ITPR1: variants seen among roughly 807,000 people sequenced by gnomAD.
The protein encoded by ITPR1 is inositol 1,4,5-trisphosphate-gated calcium channel ITPR1.
Under a neutral mutation model 318.4 loss-of-function variants are expected in ITPR1, and 96 were observed. That is an observed-to-expected ratio of 0.30 (90% CI 0.26 to 0.36). The LOEUF is 0.36. Ranked by LOEUF, ITPR1 falls within the 10% of genes least tolerant of loss-of-function variation. ITPR1 has a pLI of 1.00. For synonymous variants in ITPR1, 1,312 were observed against 1,289.9 expected (o/e 1.02, Z -0.37); for missense variants, 2,440 against 3,460.2 (o/e 0.71, Z 7.40).
At chr3:4,623,564 A>G (rs1414862320) in intron 4 of ITPR1, among the ~76,000 whole-genome samples, 6 of 152,096 alleles carry the variant, frequency 3.9e-5, no homozygotes, top group African/African-American at 9.7e-5. Context: ...AATATTAAAT[A>G]TATTCTTCTG....
In ITPR1 at chr3:4,670,717, CT is replaced by C; in HGVS notation, c.2007-10del. ...AAAATAGTAACTTTTCCCTCCTCCT[CT>C]TGTTTTCTAGGTTGGTTCTTTCTCG... On this transcript the variant is annotated splice_polypyrimidine_tract_variant and intron_variant, in intron 19 of 61. Coordinates refer to ENST00000649015, the MANE Select transcript of ITPR1 (RefSeq NM_001378452.1). The C allele has an allele frequency of 6.4e-7, 1 of 1,553,352 alleles. No homozygotes were observed. The highest frequency in any genetic ancestry group is 8.8e-7 in the Non-Finnish European group (1 of 1,140,756).
intron 44 of ITPR1, among the ~76,000 whole-genome samples, chr3:4,742,474 C>G (rs1043567398): frequency 2.6e-5 from 4 of 152,128 alleles, no homozygotes; most frequent in African/African-American, 9.7e-5. Flanking sequence ...CCTCACTCAT[C>G]CCACTGGTTC....
intron 4 of ITPR1, among the ~76,000 whole-genome samples, chr3:4,539,059 C>T (rs1044676194): frequency 6.6e-6 from 1 of 152,250 alleles, no homozygotes; most frequent in African/African-American, 2.4e-5. Flanking sequence ...TATATGTATG[C>T]ATATGAAATA....
intron 4 of ITPR1, among the ~76,000 whole-genome samples, chr3:4,612,109 AGGC>A (rs2092159064): frequency 1.8e-5 from 2 of 113,658 alleles, no homozygotes; most frequent in South Asian, 6.4e-4. Context: ...TCTGTCACCC[AGGC>A]TGGAGTGCAG....
chr3:4,664,305 G>T (rs114204593), intron 16 of ITPR1, among the ~76,000 whole-genome samples: 29 of 152,126 alleles, frequency 1.9e-4, no homozygotes, highest in African/African-American at 6.0e-4. Flanking sequence ...CAAATTAGAG[G>T]CAGTAAAGTG....
intron 4 of ITPR1, among the ~76,000 whole-genome samples, chr3:4,611,235 AAAAAAAAC>A (rs1336535426): frequency 1.4e-5 from 2 of 145,784 alleles, no homozygotes; most frequent in Admixed American, 1.4e-4. Flanking sequence ...TCTCTACAAA[AAAAAAAAC>A]AAAAAAAAAA....
At chr3:4,703,705 A>G (rs2094701599) in intron 36 of ITPR1, among the ~76,000 whole-genome samples, 1 of 152,194 alleles carries the variant, frequency 6.6e-6, no homozygotes, top group South Asian at 2.1e-4. Flanking sequence ...TGTAGGTAAG[A>G]TATCAAGTCA....
At chr3:4,615,001 T>C (rs1382483401) in intron 4 of ITPR1, among the ~76,000 whole-genome samples, 1 of 152,192 alleles carries the variant, frequency 6.6e-6, no homozygotes, top group Non-Finnish European at 1.5e-5. Flanking sequence ...AAGGAAACTG[T>C]TCAAGAATAT....
intron 48 of ITPR1, among the ~76,000 whole-genome samples, chr3:4,778,628 T>C (rs553319874): frequency 4.6e-5 from 7 of 152,338 alleles, no homozygotes; most frequent in African/African-American, 1.7e-4. Context: ...TTTAACAGAT[T>C]CAACCTTGTG....
intron 10 of ITPR1, among the ~76,000 whole-genome samples, chr3:4,648,635 C>A (rs1395118988): frequency 6.6e-6 from 1 of 152,116 alleles, no homozygotes; most frequent in African/African-American, 2.4e-5. Flanking sequence ...CATGGTGAAA[C>A]CCTGTCTCTA....
At chr3:4,665,011 G>A in intron 16 of ITPR1, 127 bp from the exon 17 acceptor site, 1 of 910,210 alleles carries the variant, frequency 1.1e-6, no homozygotes, top group South Asian at 1.5e-5. Context: ...TCAGGTTATG[G>A]ATGTGTTGGG....
At chr3:4,595,851 G>A (rs1027635639) in intron 4 of ITPR1, among the ~76,000 whole-genome samples, 21 of 152,198 alleles carry the variant, frequency 1.4e-4, no homozygotes, top group African/African-American at 3.9e-4. Flanking sequence ...TGGCAGTGGC[G>A]GAATGTTCTT....
intron 47 of ITPR1, among the ~76,000 whole-genome samples, chr3:4,776,997 CTG>C (rs1420712275): frequency 6.6e-6 from 1 of 152,232 alleles, no homozygotes; most frequent in Non-Finnish European, 1.5e-5. Flanking sequence ...CAAAAGCCAA[CTG>C]TGCTGCATGA....
At chr3:4,627,904 T>C in intron 5 of ITPR1, 26 bp downstream of exon 5, 1 of 1,475,624 alleles carries the variant, frequency 6.8e-7, no homozygotes, top group Non-Finnish European at 9.4e-7. Flanking sequence ...GGGCTGTCGA[T>C]GGGGCAGTAG....
At chr3:4,643,034 A>C (rs2093373565) in intron 7 of ITPR1, among the ~76,000 whole-genome samples, 2 of 152,256 alleles carry the variant, frequency 1.3e-5, no homozygotes, top group Non-Finnish European at 1.5e-5. Context: ...GTGCCATTTA[A>C]ATTTACAAGC....
intron 44 of ITPR1, among the ~76,000 whole-genome samples, chr3:4,761,965 T>C (rs945712485): frequency 2.6e-4 from 40 of 152,294 alleles, no homozygotes; most frequent in South Asian, 4.1e-4. Context: ...GGCAGGTGAA[T>C]GCCTCCAGCA....
intron 4 of ITPR1, among the ~76,000 whole-genome samples, chr3:4,626,039 T>C (rs1003460207): frequency 2.0e-5 from 3 of 152,168 alleles, no homozygotes; most frequent in Non-Finnish European, 4.4e-5. Context: ...CTTGAGAAGC[T>C]GAGGCAGGAG....
intron 2 of ITPR1, among the ~76,000 whole-genome samples, chr3:4,509,761 C>A (rs1237099519): frequency 6.6e-6 from 1 of 152,194 alleles, no homozygotes; most frequent in Non-Finnish European, 1.5e-5. Context: ...TGCACCACTA[C>A]CTTCCAGCCT....
At chr3:4,808,651 A>C (rs548391435) in intron 55 of ITPR1, among the ~76,000 whole-genome samples, 4 of 152,232 alleles carry the variant, frequency 2.6e-5, no homozygotes, top group Non-Finnish European at 5.9e-5. Flanking sequence ...AGCAGTACTC[A>C]ATGTGTCTGG....
Sources: gnomAD v4.1 joint callset for allele counts (sites outside exome capture counted in the v4.1 genomes callset) on GRCh38, gnomAD v4.1.1 for gene constraint, MANE v1.5 for transcripts, NCBI Gene and HGNC (gene_info 2026-07-23, HGNC 2026-07-21) for gene names.